The following MEGF8 variants were observed in gnomAD, a reference collection of about 807,000 sequenced individuals.
MEGF8 encodes multiple EGF like domains 8, also known as multiple epidermal growth factor-like domains protein 8.
MEGF8 carries 156 observed loss-of-function variants against 302.9 expected under a neutral mutation model. The ratio of observed to expected loss-of-function variants is 0.52; its 90% CI spans 0.45 to 0.59. MEGF8 has a LOEUF of 0.59. Among genes scored for constraint, MEGF8 ranks in the 20% least tolerant of loss-of-function variants. The pLI is 0.00. For synonymous variants in MEGF8, 1,621 were observed against 1,660.5 expected (o/e 0.98, Z 0.58); for missense variants, 3,345 against 3,964.5 (o/e 0.84, Z 4.20).
Position 42,358,696 on chromosome 19 carries a change from T to G in MEGF8, c.5176-91T>G. On this transcript the variant is annotated intron_variant, in intron 29 of 41. Transcript: ENST00000251268. The surrounding 1 kb of genome is among the most constrained non-coding windows in gnomAD (Gnocchi z 4.4). The stretch of plus-strand genomic sequence containing the variant: ...TGGTTAGAGAGGCTGGTGGTTTCAG[T>G]CCACACGTTTCCAAGCCCGTCTTGG... 7.1e-7 allele frequency: 1 copy of G among 1,412,518 alleles called. No homozygotes were observed. Among genetic ancestry groups the G allele is most frequent in the Non-Finnish European group, 9.4e-7 (1 of 1,065,546 alleles). The allele number at this position is 1,412,518 out of a possible 1,614,324, so 87.5% of individuals were successfully genotyped here.
chr19:42,353,964 CG>C lies in MEGF8; in HGVS notation c.3954del (p.Thr1319ProfsTer20). 6.3e-7 allele frequency: 1 copy of C among 1,582,458 alleles called. No homozygotes were observed. Among genetic ancestry groups the C allele is most frequent in the Non-Finnish European group, 8.6e-7 (1 of 1,164,612 alleles). On this transcript the variant is annotated frameshift_variant, in exon 22 of 42. Transcript: ENST00000251268. LOFTEE classifies it high-confidence loss of function. This position sits in a 1 kb window ranked among gnomAD's most constrained non-coding sequence, Gnocchi z 6.1. ...CTGAGGAGCTACAGCCCTGTGCTCC[CG>C]GGACCCTCTGTCCCCCACTCACCCT... ...ATEELQPCAPGTLCPPLTLTF... is the reference protein window; with the variant it reads ...ATEELQPCAPXTLCPPLTLTF...
At position 42,375,702 on chromosome 19, in the gene MEGF8, A is replaced by G. The variant is rs755585384; in HGVS notation, c.7465A>G (p.Ile2489Val). 1 of 1,611,228 alleles carries G rather than the reference A, an allele frequency of 6.2e-7. No homozygotes were observed. Among genetic ancestry groups the G allele is most frequent in the Non-Finnish European group, 8.5e-7 (1 of 1,179,176 alleles). Residue 2489 changes from isoleucine to valine, a missense_variant, in exon 42 of 42, where the codon ATC (isoleucine) becomes GTC (valine). Ile to Val is a conservative substitution (Grantham distance 29). Coordinates refer to ENST00000251268, the MANE Select transcript of MEGF8 (RefSeq NM_001271938.2). The surrounding 1 kb of genome is among the most constrained non-coding windows in gnomAD (Gnocchi z 7.1). ...GCAGCCCAAATTCACCAACGTGGAC[A>G]TCCGCCTGACGCTGGACGTGACCTT... ...GVQPKFTNVDIRLTLDVTFGA... is the reference protein window; with the variant it reads ...GVQPKFTNVDVRLTLDVTFGA...
Position 42,333,644 on chromosome 19 carries a change from T to C in MEGF8, c.227T>C (p.Phe76Ser). The C allele has an allele frequency of 6.2e-7, 1 of 1,613,936 alleles. No homozygotes were observed. The change falls in exon 2 of 42, where the codon TTC (phenylalanine) becomes TCC (serine). Residue 76 changes from phenylalanine to serine, a missense_variant. Physicochemically the swap from Phe to Ser is radical, Grantham distance 155 (BLOSUM62 -2). Transcript: ENST00000251268. ...CACCGGATCCTGCTGGACTTCCTTT[T>C]CCTGGACACAGAGTGCACGTATGAC... ...PQHRILLDFL[F>S]LDTECTYDYL...
rs1470710117 is a variant in MEGF8 at position 42,377,296 on chromosome 19, T to A, written c.*521T>A. 1 of 153,796 alleles carries A rather than the reference T, an allele frequency of 6.5e-6. No homozygotes were observed. The allele number at this position is 153,796 out of a possible 1,614,324, so 9.5% of individuals were successfully genotyped here. On this transcript the variant is annotated 3_prime_UTR_variant, in exon 42 of 42. Transcript: ENST00000251268. ...CAGAGGCCCTGGGGTGGGAGCAGGC[T>A]TGTTTTATTGGAAGGACCAGAAAAC...
At position 42,351,909 on chromosome 19, in the gene MEGF8, A is replaced by T; in HGVS notation, c.3101+148A>T. ...GTACTGTTTTTCTGTTGTTTATTTT[A>T]CCCTCCCGCTCTTTTTTCTCCATTT... On this transcript the variant is annotated intron_variant, in intron 18 of 41. Transcript: ENST00000251268. The surrounding 1 kb of genome is among the most constrained non-coding windows in gnomAD (Gnocchi z 5.6). The T allele has an allele frequency of 2.8e-6, 2 of 723,976 alleles. No homozygotes were observed. Among genetic ancestry groups the T allele is most frequent in the East Asian group, 2.8e-5 (1 of 35,340 alleles). The allele number at this position is 723,976 out of a possible 1,614,324, so 44.8% of individuals were successfully genotyped here.
In MEGF8 at chr19:42,375,760, A is replaced by G. The variant is rs763286751; in HGVS notation, c.7523A>G (p.Tyr2508Cys). ...GAVDLYVSTS[Y>C]DTFVVRVAPD... ...GTGGACCTCTATGTCTCCACCTCCT[A>G]TGACACCTTCGTGGTCCGTGTGGCC... is the stretch of plus-strand genomic sequence containing the variant. Residue 2508 changes from tyrosine to cysteine, a missense_variant, in exon 42 of 42, where the codon TAT becomes TGT. Coordinates refer to ENST00000251268, the MANE Select transcript of MEGF8 (RefSeq NM_001271938.2). The surrounding 1 kb of genome is among the most constrained non-coding windows in gnomAD (Gnocchi z 7.1). 2 of 1,612,924 alleles carry G rather than the reference A, an allele frequency of 1.2e-6. No individual in the cohort carries two copies. Among genetic ancestry groups the G allele is most frequent in the Admixed American group, 1.7e-5 (1 of 59,976 alleles).
Position 42,370,231 on chromosome 19 carries a change from G to C in MEGF8, c.6877G>C (p.Ala2293Pro). 1.2e-6 allele frequency: 2 copies of C among 1,613,766 alleles called. No homozygotes were observed. Among genetic ancestry groups the C allele is most frequent in the African/African-American group, 2.7e-5 (2 of 75,044 alleles). Residue 2293 changes from alanine to proline, a missense_variant, in exon 39 of 42, where the codon GCT becomes CCT. Physicochemically the swap from Ala to Pro is conservative, Grantham distance 27 (BLOSUM62 -1). Transcript: ENST00000251268. ...GTGCCTCCCGCTGTTTGTGGGTTCA[G>C]CTGTCGGAGGCGGGACCTGCCGGCC... is the stretch of plus-strand genomic sequence containing the variant. ...EQCLPLFVGS[A>P]VGGGTCRPCH...
chr19:42,361,781 TG>T (rs1408504520), intron 32 of MEGF8, among the ~76,000 whole-genome samples: 1 of 149,638 alleles, frequency 6.7e-6, no homozygotes, highest in African/African-American at 2.5e-5. Context: ...AGCCTGCAGG[TG>T]GGGACCAGGT....
Position 42,336,664 on chromosome 19 carries a change from C to A in MEGF8, c.1245-143C>A. 7.9e-7 allele frequency: 1 copy of A among 1,273,226 alleles called. No homozygotes were observed. Among genetic ancestry groups the A allele is most frequent in the Non-Finnish European group, 1.1e-6 (1 of 939,166 alleles). The allele number at this position is 1,273,226 out of a possible 1,614,324, so 78.9% of individuals were successfully genotyped here. On this transcript the variant is annotated intron_variant, in intron 6 of 41. Transcript: ENST00000251268. This position sits in a 1 kb window ranked among gnomAD's most constrained non-coding sequence, Gnocchi z 4.8. ...CTCAGAGATGACTCAGGGTCCTGCCCACAGGGAACTTCTAGTTTGGAGGGG... is the reference window on the plus strand; with the variant it reads ...CTCAGAGATGACTCAGGGTCCTGCCAACAGGGAACTTCTAGTTTGGAGGGG...
Position 42,357,029 on chromosome 19 carries a change from GAC to G in MEGF8, c.4830+50_4830+51del. On this transcript the variant is annotated intron_variant, in intron 27 of 41. Transcript: ENST00000251268. This position sits in a 1 kb window ranked among gnomAD's most constrained non-coding sequence, Gnocchi z 5.2. ...CTCCCCAGCCCTCACACTGGGCCCT[GAC>G]AGAGACAGCTGTGGTAGCTCCTGCC... 1 of 1,504,548 alleles carries G rather than the reference GAC, an allele frequency of 6.6e-7. No individual in the cohort carries two copies. The highest frequency in any genetic ancestry group is 2.5e-5 in the East Asian group (1 of 40,810). 93.2% of individuals were successfully genotyped at this position (1,504,548 alleles called of 1,614,324 possible).
chr19:42,337,835 G>T (rs1430048721), intron 8 of MEGF8, among the ~76,000 whole-genome samples: 1 of 148,400 alleles, frequency 6.7e-6, no homozygotes, highest in Non-Finnish European at 1.5e-5. Flanking sequence ...AGGGAGTCTC[G>T]CTCCGTCGCC....
At chr19:42,372,272 C>G (rs1193397613) in intron 41 of MEGF8, among the ~76,000 whole-genome samples, 1 of 152,144 alleles carries the variant, frequency 6.6e-6, no homozygotes, top group Non-Finnish European at 1.5e-5. Context: ...TTGGCAGACC[C>G]CCTCTGATGA....
Position 42,378,269 on chromosome 19 carries a change from C to T in MEGF8, c.*1494C>T, listed in dbSNP as rs533363078. ...GGACCCCCAGGCTGCAGGGATAAAGCTCAGTGGTGGTGTTACCTCACCGGG... is the reference window on the plus strand; with the variant it reads ...GGACCCCCAGGCTGCAGGGATAAAGTTCAGTGGTGGTGTTACCTCACCGGG... On this transcript the variant is annotated 3_prime_UTR_variant, in exon 42 of 42. Transcript: ENST00000251268. The T allele has an allele frequency of 2.0e-5, 3 of 152,600 alleles. No individual in the cohort carries two copies. Among genetic ancestry groups the T allele is most frequent in the Admixed American group, 6.5e-5 (1 of 15,296 alleles). The allele number at this position is 152,600 out of a possible 1,614,324, so 9.5% of individuals were successfully genotyped here.
In MEGF8 at chr19:42,363,103, C is replaced by CCA; in HGVS notation, c.6116_6117dup (p.Ser2040ThrfsTer4). ...CCACCTATGACTGGACGTGCTTCAG[C>CCA]CACTCTCTGCTGAATGTGTCCCCCA... On this transcript the variant is annotated frameshift_variant, in exon 35 of 42. Transcript: ENST00000251268. LOFTEE classifies it high-confidence loss of function. 6.2e-7 allele frequency: 1 copy of CCA among 1,613,422 alleles called. No homozygotes were observed. The highest frequency in any genetic ancestry group is 8.5e-7 in the Non-Finnish European group (1 of 1,179,654).
At position 42,359,155 on chromosome 19, in the gene MEGF8, G is replaced by C; in HGVS notation, c.5401G>C (p.Gly1801Arg). 2 of 1,595,572 alleles carry C rather than the reference G, an allele frequency of 1.3e-6. No homozygotes were observed. The highest frequency in any genetic ancestry group is 1.7e-6 in the Non-Finnish European group (2 of 1,171,394). The change falls in exon 31 of 42, where the codon GGG (glycine) becomes CGG (arginine). Residue 1801 changes from glycine (G) to arginine (R), a missense_variant. By Grantham distance (125) the Gly-to-Arg change is moderately radical (BLOSUM62 -2). Coordinates refer to ENST00000251268, the MANE Select transcript of MEGF8 (RefSeq NM_001271938.2). Reference sequence around the variant, plus strand: ...GTTAGGGGACACCATGGTGGTTCTTGGGGGGCGCTCGGACCCTGACGAGTT... The same window carrying C: ...GTTAGGGGACACCATGGTGGTTCTTCGGGGGCGCTCGGACCCTGACGAGTT... ...ALLGDTMVVL[G>R]GRSDPDEFSS...
At chr19:42,338,359 C>G (rs567547568) in intron 8 of MEGF8, among the ~76,000 whole-genome samples, 2 of 152,220 alleles carry the variant, frequency 1.3e-5, no homozygotes, top group East Asian at 3.9e-4. Flanking sequence ...CCCGCCTCAG[C>G]CTCCTAAGTA....
At chr19:42,359,905 C>T (rs970814279) in intron 31 of MEGF8, among the ~76,000 whole-genome samples, 9 of 145,970 alleles carry the variant, frequency 6.2e-5, no homozygotes, top group African/African-American at 1.0e-4. Flanking sequence ...ATGTTGCCCA[C>T]GCTGGTCTTG....
Position 42,362,441 on chromosome 19 carries a change from C to A in MEGF8, c.5902C>A (p.Arg1968Ser), listed in dbSNP as rs1429485512. 1 of 1,613,866 alleles carries A rather than the reference C, an allele frequency of 6.2e-7. No individual in the cohort carries two copies. Among genetic ancestry groups the A allele is most frequent in the Non-Finnish European group, 8.5e-7 (1 of 1,179,892 alleles). ...TNCPEGACIG[R>S]NGSCTSENDC... ...CTGCCCCGAAGGTGCTTGCATTGGA[C>A]GCAATGGGTCCTGCACCTCTGAGAA... Residue 1968 changes from arginine to serine, a missense_variant, in exon 34 of 42, where the codon CGC becomes AGC. Coordinates refer to ENST00000251268, the MANE Select transcript of MEGF8 (RefSeq NM_001271938.2).
Position 42,376,607 on chromosome 19 carries a change from G to A in MEGF8, c.8370G>A (p.Gly2790=). 1 of 1,548,214 alleles carries A rather than the reference G, an allele frequency of 6.5e-7. No homozygotes were observed. The highest frequency in any genetic ancestry group is 8.7e-7 in the Non-Finnish European group (1 of 1,149,364). ...CACTGCTGCTCCAGCTGCCTGGCGG[G>A]CCCCATGCACCCAACGGCGCCTGCC... is the stretch of plus-strand genomic sequence containing the variant. ...VATLLLQLPG[G]PHAPNGACLG... Residue 2790 remains glycine (G), a synonymous_variant, in exon 42 of 42, where the codon GGG becomes GGA. Transcript: ENST00000251268. This position sits in a 1 kb window ranked among gnomAD's most constrained non-coding sequence, Gnocchi z 8.2.
Sources: allele counts gnomAD v4.1 joint callset (sites outside exome capture counted in the v4.1 genomes callset), GRCh38; gene constraint gnomAD v4.1.1; non-coding constraint Gnocchi (gnomAD v3.1); transcripts MANE v1.5; gene names NCBI Gene and HGNC (gene_info 2026-07-23, HGNC 2026-07-21).